The following ZNF407 variants were observed in gnomAD, a reference collection of about 807,000 sequenced individuals.
The protein encoded by ZNF407 is zinc finger protein 407.
In ZNF407, 17 loss-of-function variants were observed where a neutral mutation model predicts 131.2. That is an observed-to-expected ratio of 0.13 (90% CI 0.09 to 0.19). The LOEUF is 0.19. Among genes scored for constraint, ZNF407 ranks in the 10% least tolerant of loss-of-function variants. ZNF407 has a pLI of 1.00. For synonymous variants in ZNF407, 1,156 were observed against 1,062.0 expected (o/e 1.09, Z -1.72); for missense variants, 2,681 against 2,830.6 (o/e 0.95, Z 1.20).
At chr18:74,895,231 T>TTTGGTGTG (rs1568259196) in intron 7 of ZNF407, among the ~76,000 whole-genome samples, 1 of 151,386 alleles carries the variant, frequency 6.6e-6, no homozygotes, top group Non-Finnish European at 1.5e-5. Flanking sequence ...TTTCTTTTTT[T>TTTGGTGTG]GGTGAGGGGA....
intron 8 of ZNF407, among the ~76,000 whole-genome samples, chr18:74,999,301 A>G (rs1972814635): frequency 8.5e-6 from 1 of 117,670 alleles, no homozygotes; most frequent in South Asian, 3.6e-4. Context: ...ATACATATGT[A>G]ACTAACCTGC....
intron 4 of ZNF407, among the ~76,000 whole-genome samples, chr18:74,832,248 G>A (rs1021419947): frequency 1.3e-5 from 2 of 152,068 alleles, no homozygotes; most frequent in Non-Finnish European, 2.9e-5. Context: ...TTGAACTCAT[G>A]TTTTTCTGAT....
intron 4 of ZNF407, among the ~76,000 whole-genome samples, chr18:74,808,469 A>G (rs1351011461): frequency 2.0e-5 from 3 of 152,216 alleles, no homozygotes; most frequent in African/African-American, 7.2e-5. Context: ...GTATAATGGT[A>G]TTGGAATTGA....
At chr18:74,776,490 C>T (rs1305976656) in intron 3 of ZNF407, among the ~76,000 whole-genome samples, 1 of 152,168 alleles carries the variant, frequency 6.6e-6, no homozygotes, top group Non-Finnish European at 1.5e-5. Context: ...TATTTCTTTC[C>T]ATTTCACCGT....
chr18:74,617,046 C>T (rs1983333526), intron 1 of ZNF407, among the ~76,000 whole-genome samples: 13 of 131,720 alleles, frequency 9.9e-5, no homozygotes, highest in African/African-American at 1.8e-4. Context: ...ACAGCACACA[C>T]ATCCATATCC....
chr18:74,798,332 A>G (rs1221980363), intron 4 of ZNF407, among the ~76,000 whole-genome samples: 1 of 152,070 alleles, frequency 6.6e-6, no homozygotes, highest in Non-Finnish European at 1.5e-5. Flanking sequence ...AGCAGACTGC[A>G]TGATTCAGAG....
chr18:74,918,079 T>C (rs540935959), intron 7 of ZNF407, among the ~76,000 whole-genome samples: 49 of 152,332 alleles, frequency 3.2e-4, no homozygotes, highest in African/African-American at 1.1e-3. Context: ...TTAACTGTCA[T>C]AAAAGTGGAC....
intron 8 of ZNF407, among the ~76,000 whole-genome samples, chr18:74,990,809 A>G (rs1355589600): frequency 7.2e-5 from 11 of 152,230 alleles, no homozygotes; most frequent in Non-Finnish European, 8.8e-5. Context: ...CGAAATGTGA[A>G]ATTGCCCTAT....
At chr18:75,038,329 C>T (rs1233722199) in intron 8 of ZNF407, among the ~76,000 whole-genome samples, 1 of 152,198 alleles carries the variant, frequency 6.6e-6, no homozygotes, top group Non-Finnish European at 1.5e-5. Context: ...CCCATAGTGT[C>T]TGAGGTTTTT....
intron 1 of ZNF407, among the ~76,000 whole-genome samples, chr18:74,619,625 C>A (rs1983438022): frequency 6.6e-6 from 1 of 152,070 alleles, no homozygotes; most frequent in African/African-American, 2.4e-5. Flanking sequence ...TCACATGTCA[C>A]CTCCCCCACC....
intron 7 of ZNF407, among the ~76,000 whole-genome samples, chr18:74,890,837 C>T (rs1332908428): frequency 6.6e-6 from 1 of 152,052 alleles, no homozygotes; most frequent in Non-Finnish European, 1.5e-5. Context: ...TCAGCCGTGG[C>T]GTAAAAAATG....
intron 4 of ZNF407, among the ~76,000 whole-genome samples, chr18:74,826,631 CAG>C (rs1043063846): frequency 5.3e-5 from 8 of 152,154 alleles, no homozygotes; most frequent in African/African-American, 1.9e-4. Context: ...CGAAGCCAAA[CAG>C]AGAATTCCTG....
chr18:74,979,095 A>G (rs1434879842), intron 8 of ZNF407, among the ~76,000 whole-genome samples: 2 of 152,146 alleles, frequency 1.3e-5, no homozygotes, highest in Non-Finnish European at 2.9e-5. Context: ...CAGTGAGAGT[A>G]GAATTAGCGA....
In ZNF407 at chr18:74,782,557, C is replaced by CCTCTT. The variant is rs72092645; in HGVS notation, c.4877+1075_4877+1079dup. ...TTCATCCCCTCCGCTCCCCTCCCCTCCTCTTCTCTTCTCTTCTCTTCTCTC... is the reference window on the plus strand; with the variant it reads ...TTCATCCCCTCCGCTCCCCTCCCCTCCTCTTCTCTTCTCTTCTCTTCTCTTCTCTC... On this transcript the variant is annotated intron_variant, in intron 4 of 8. Transcript: ENST00000299687. Among the ~76,000 whole-genome samples, 1,001 of 151,344 alleles carry CCTCTT rather than the reference C, an allele frequency of 6.6e-3. 6 individuals carry two copies. The highest frequency in any genetic ancestry group is 0.02 in the Middle Eastern group (6 of 294).
chr18:74,803,930 G>A lies in ZNF407; in HGVS notation c.4877+22428G>A, dbSNP rs779685458. On this transcript the variant is annotated intron_variant, in intron 4 of 8. Transcript: ENST00000299687. ...TTACAACGTGCCTTGAAAACATGAA[G>A]CAATTTAACAAACTTGATTGTCCTT... is the stretch of plus-strand genomic sequence containing the variant. 2.0e-5 allele frequency: 31 copies of A among 1,548,862 alleles called. 1 individual carries two copies. The South Asian group carries it at 3.7e-4, about 18-fold the overall frequency.
chr18:74,737,089 A>C (rs1968433579), intron 3 of ZNF407, among the ~76,000 whole-genome samples: 1 of 152,200 alleles, frequency 6.6e-6, no homozygotes, highest in South Asian at 2.1e-4. Flanking sequence ...TATCAAATGC[A>C]GTTTTGTAAT....
chr18:74,877,032 A>C (rs1313244212), intron 4 of ZNF407, among the ~76,000 whole-genome samples, 165 bp from the exon 5 acceptor site: 1 of 152,256 alleles, frequency 6.6e-6, no homozygotes, highest in African/African-American at 2.4e-5. Context: ...AGGCCTCGAC[A>C]GAAAAATCAA....
intron 3 of ZNF407, among the ~76,000 whole-genome samples, chr18:74,710,475 T>C (rs1392298019): frequency 6.6e-6 from 1 of 152,160 alleles, no homozygotes; most frequent in African/African-American, 2.4e-5. Context: ...TTTGGGAAAA[T>C]GTTATAAGGT....
chr18:74,939,664 A>G (rs1273824382), intron 8 of ZNF407, among the ~76,000 whole-genome samples: 1 of 152,218 alleles, frequency 6.6e-6, no homozygotes, highest in African/African-American at 2.4e-5. Context: ...GATGAAGCCT[A>G]TGGAGGAAAA....
Sources: gnomAD v4.1 joint callset for allele counts (sites outside exome capture counted in the v4.1 genomes callset) on GRCh38, gnomAD v4.1.1 for gene constraint, MANE v1.5 for transcripts, NCBI Gene and HGNC (gene_info 2026-07-23, HGNC 2026-07-21) for gene names.